MDFIC: variants seen among roughly 807,000 people sequenced by gnomAD.
MDFIC encodes the protein MyoD family inhibitor domain containing.
In MDFIC, 17 loss-of-function variants were observed where a neutral mutation model predicts 23.2. The ratio of observed to expected loss-of-function variants is 0.73; its 90% confidence interval spans 0.50 to 1.10. MDFIC has a LOEUF of 1.10. MDFIC is among the 50% of genes least tolerant of loss of function. MDFIC has a pLI of 0.00. For synonymous variants in MDFIC, 120 were observed against 115.2 expected (o/e 1.04, Z -0.27); for missense variants, 356 against 316.6 (o/e 1.12, Z -0.95).
At chr7:114,929,252 G>A (rs754552068) in intron 2 of MDFIC, among the ~76,000 whole-genome samples, 4 of 152,084 alleles carry the variant, frequency 2.6e-5, no homozygotes, top group African/African-American at 9.7e-5. Flanking sequence ...GACTACAGGC[G>A]TGTGCCACCA....
intron 4 of MDFIC, among the ~76,000 whole-genome samples, chr7:114,990,647 A>C (rs1339222058): frequency 2.0e-5 from 3 of 152,086 alleles, no homozygotes; most frequent in East Asian, 1.9e-4. Context: ...TGGTTTCCAG[A>C]TTCATCCATG....
chr7:114,971,777 T>C (rs1179546649), intron 3 of MDFIC, among the ~76,000 whole-genome samples: 1 of 152,144 alleles, frequency 6.6e-6, no homozygotes, highest in Non-Finnish European at 1.5e-5. Flanking sequence ...GTTTTAGTAA[T>C]ACATGCAGAT....
intron 4 of MDFIC, among the ~76,000 whole-genome samples, chr7:115,003,260 C>A (rs1417410880): frequency 6.6e-5 from 10 of 152,120 alleles, no homozygotes. Flanking sequence ...GTTGAATAAG[C>A]CCATTCACTA....
chr7:114,922,599 G>T lies in MDFIC; in HGVS notation c.-145G>T, dbSNP rs973249215. On this transcript the variant is annotated 5_prime_UTR_variant, in exon 1 of 5. Transcript: ENST00000393486. ...CGGGGCGGAAGAGGAGGAGGAGGAG[G>T]AGGAAGGGGCTTGGAGCGACTACGG... 3.1e-6 allele frequency: 4 copies of T among 1,269,856 alleles called. No individual in the cohort carries two copies. The African/African-American group carries it at 6.1e-5, about 20-fold the overall frequency. The allele number at this position is 1,269,856 out of a possible 1,614,324, so 78.7% of individuals were successfully genotyped here. A position where few individuals can be genotyped will look rare whatever the true frequency, so the allele number is the denominator to read the frequency against.
At chr7:114,949,034 A>T (rs1301125546) in intron 3 of MDFIC, among the ~76,000 whole-genome samples, 1 of 152,178 alleles carries the variant, frequency 6.6e-6, no homozygotes, top group East Asian at 1.9e-4. Flanking sequence ...TTGGATAAGA[A>T]TATTTTTAAA....
intron 3 of MDFIC, among the ~76,000 whole-genome samples, chr7:114,957,522 C>G (rs1162767539): frequency 6.6e-6 from 1 of 152,118 alleles, no homozygotes; most frequent in South Asian, 2.1e-4. Context: ...AAAAAAAGAT[C>G]AGCTTTTTGA....
intron 2 of MDFIC, chr7:114,923,598 T>A: frequency 6.7e-7 from 1 of 1,487,508 alleles, no homozygotes; most frequent in Non-Finnish European, 8.9e-7. Context: ...TTGGAATGGC[T>A]TATGCTTGTT....
intron 3 of MDFIC, among the ~76,000 whole-genome samples, chr7:114,950,526 T>G (rs1287482438): frequency 6.6e-6 from 1 of 152,182 alleles, no homozygotes; most frequent in Admixed American, 6.5e-5. Context: ...TAATAGTCCA[T>G]AAGTTTCCTG....
chr7:114,972,619 T>A (rs1422521251), intron 3 of MDFIC, among the ~76,000 whole-genome samples: 2 of 152,066 alleles, frequency 1.3e-5, no homozygotes, highest in Admixed American at 1.3e-4. Context: ...TCAACTTTCT[T>A]TTTCTCTCTT....
intron 2 of MDFIC, 185 bp downstream of exon 2, chr7:114,923,312 C>G (rs1792128641): frequency 8.8e-7 from 1 of 1,138,746 alleles, no homozygotes; most frequent in South Asian, 1.5e-5. Flanking sequence ...GATCAACAAC[C>G]GGGTAAGAGG....
intron 3 of MDFIC, among the ~76,000 whole-genome samples, chr7:114,973,470 A>G (rs1167862270): frequency 6.6e-6 from 1 of 152,158 alleles, no homozygotes; most frequent in African/African-American, 2.4e-5. Flanking sequence ...TCCTGCTCTC[A>G]TTCCTTTAGA....
At chr7:114,958,297 A>C (rs1347679959) in intron 3 of MDFIC, among the ~76,000 whole-genome samples, 1 of 152,204 alleles carries the variant, frequency 6.6e-6, no homozygotes, top group Non-Finnish European at 1.5e-5. Context: ...TACACAGTCC[A>C]TGTAGTATAA....
intron 3 of MDFIC, among the ~76,000 whole-genome samples, chr7:114,974,219 T>C (rs1027888156): frequency 1.3e-5 from 2 of 152,128 alleles, no homozygotes; most frequent in African/African-American, 4.8e-5. Flanking sequence ...TTTTATCATG[T>C]TAGTTCATAT....
intron 4 of MDFIC, among the ~76,000 whole-genome samples, chr7:114,980,302 G>A (rs1314824644): frequency 2.0e-5 from 3 of 152,100 alleles, no homozygotes; most frequent in Admixed American, 6.5e-5. Context: ...CAGCCGCCAC[G>A]TTGGCCAGCA....
chr7:114,951,101 G>A (rs1387288017), intron 3 of MDFIC, among the ~76,000 whole-genome samples: 1 of 152,202 alleles, frequency 6.6e-6, no homozygotes, highest in East Asian at 1.9e-4. Context: ...TGGGAAGATA[G>A]CTTGAGCCTA....
intron 3 of MDFIC, among the ~76,000 whole-genome samples, chr7:114,965,074 C>A (rs1361921584): frequency 1.3e-5 from 2 of 152,068 alleles, no homozygotes; most frequent in African/African-American, 4.8e-5. Context: ...AGGTTCCCAG[C>A]GGAACAATTT....
Position 115,016,497 on chromosome 7 carries a change from GC to G in MDFIC, c.*563del, listed in dbSNP as rs1791796752. 1 of 154,376 alleles carries G rather than the reference GC, an allele frequency of 6.5e-6. No homozygotes were observed. Among genetic ancestry groups the G allele is most frequent in the South Asian group, 2.0e-4 (1 of 4,960 alleles). The allele number at this position is 154,376 out of a possible 1,614,324, so 9.6% of individuals were successfully genotyped here. Reference sequence around the variant, plus strand: ...AAATACAAAAAGTTAGCTGGGCTTGGCGGTGTGCGCCTGTAGTCCCAGCTAC... The same window carrying G: ...AAATACAAAAAGTTAGCTGGGCTTGGGGTGTGCGCCTGTAGTCCCAGCTAC... On this transcript the variant is annotated 3_prime_UTR_variant, in exon 5 of 5. Coordinates refer to ENST00000393486, the MANE Select transcript of MDFIC (RefSeq NM_001166345.3).
intron 3 of MDFIC, among the ~76,000 whole-genome samples, chr7:114,953,883 T>A (rs1585100955): frequency 6.6e-6 from 1 of 152,188 alleles, no homozygotes; most frequent in Non-Finnish European, 1.5e-5. Context: ...TAGGGAATAA[T>A]TAAAGAAAAA....
rs1030601495 is a variant in MDFIC at position 115,019,221 on chromosome 7, T to C, written c.*3286T>C. 21 of 152,138 alleles carry C rather than the reference T, an allele frequency of 1.4e-4. No homozygotes were observed. Among genetic ancestry groups the C allele is most frequent in the African/African-American group, 4.3e-4 (18 of 41,544 alleles). The allele number at this position is 152,138 out of a possible 1,614,324, so 9.4% of individuals were successfully genotyped here. ...AAGAATTTTCATCTAAGGCATAGAG[T>C]GGCGAAATTTTTGTAAATGCTCGCA... On this transcript the variant is annotated 3_prime_UTR_variant, in exon 5 of 5. Transcript: ENST00000393486.
Sources: gnomAD v4.1 joint callset for allele counts (sites outside exome capture counted in the v4.1 genomes callset) on GRCh38, gnomAD v4.1.1 for gene constraint, MANE v1.5 for transcripts, NCBI Gene and HGNC (gene_info 2026-07-23, HGNC 2026-07-21) for gene names.